LRP1: variants seen among roughly 807,000 people sequenced by gnomAD.
The protein encoded by LRP1 is LDL receptor related protein 1.
A neutral mutation model predicts 541.5 loss-of-function variants in LRP1; 51 were observed. That is an observed-to-expected ratio of 0.09 (90% CI 0.08 to 0.12). LRP1 has a LOEUF of 0.12. Ranked by LOEUF, LRP1 falls within the 10% of genes least tolerant of loss-of-function variation. LRP1 has a pLI of 1.00. For synonymous variants in LRP1, 2,219 were observed against 2,470.8 expected (o/e 0.90, Z 3.02); for missense variants, 3,878 against 6,376.2 (o/e 0.61, Z 13.34).
At position 57,128,612 on chromosome 12, in the gene LRP1, C is replaced by A; in HGVS notation, c.-353C>A. 2.4e-6 allele frequency: 1 copy of A among 415,416 alleles called. No homozygotes were observed. Among genetic ancestry groups the A allele is most frequent in the East Asian group, 3.5e-5 (1 of 28,850 alleles). The allele number at this position is 415,416 out of a possible 1,614,324, so 25.7% of individuals were successfully genotyped here. Reference sequence around the variant, plus strand: ...CTACCCGGTCCACGCCCCCCACCCCCCCTCCCCGCCTCCTCCCAATTGTGC... The same window carrying A: ...CTACCCGGTCCACGCCCCCCACCCCACCTCCCCGCCTCCTCCCAATTGTGC... On this transcript the variant is annotated 5_prime_UTR_variant, in exon 1 of 89. Transcript: ENST00000243077.
rs548737595 is a variant in LRP1, at chr12:57,173,713, C to A, written c.3347-67C>A. On this transcript the variant is annotated intron_variant, in intron 21 of 88. Coordinates refer to ENST00000243077, the MANE Select transcript of LRP1 (RefSeq NM_002332.3). This position sits in a 1 kb window ranked among gnomAD's most constrained non-coding sequence, Gnocchi z 4.7. Reference sequence around the variant, plus strand: ...ACCCTATTAGAGAAGCCCACAGGGTCTGGAAGGAAGGGCAGGGGGAGCCCC... The same window carrying A: ...ACCCTATTAGAGAAGCCCACAGGGTATGGAAGGAAGGGCAGGGGGAGCCCC... The A allele has an allele frequency of 1.3e-6, 2 of 1,543,792 alleles. No individual in the cohort carries two copies. The highest frequency in any genetic ancestry group is 1.1e-5 in the South Asian group (1 of 89,274).
Position 57,198,662 on chromosome 12 carries a change from G to A in LRP1, c.9668G>A (p.Arg3223His), listed in dbSNP as rs369789736. ...IEFASLDGSN[R>H]HVVLSQDIPH... is the part of the protein sequence containing the mutation. Reference sequence around the variant, plus strand: ...TTTGCCAGCCTGGATGGCTCCAATCGCCACGTTGGTCAGTGTGCCAGTGAG... The same window carrying A: ...TTTGCCAGCCTGGATGGCTCCAATCACCACGTTGGTCAGTGTGCCAGTGAG... The change falls in exon 60 of 89, where the codon CGC becomes CAC. Residue 3223 changes from arginine (R) to histidine (H), a missense_variant. Coordinates refer to ENST00000243077, the MANE Select transcript of LRP1 (RefSeq NM_002332.3). 4.4e-6 allele frequency: 7 copies of A among 1,608,162 alleles called. No individual in the cohort carries two copies. The highest frequency in any genetic ancestry group is 2.2e-5 in the East Asian group (1 of 44,546).
At chr12:57,193,068 C>T (rs2036450889) in intron 45 of LRP1, 98 bp downstream of exon 45, 1 of 1,587,104 alleles carries the variant, frequency 6.3e-7, no homozygotes, top group Non-Finnish European at 8.6e-7. Context: ...CCCCCAAAGC[C>T]TTTTGCCAAG....
Position 57,212,816 on chromosome 12 carries a change from T to G in LRP1, c.*261T>G. 5 of 426,268 alleles carry G rather than the reference T, an allele frequency of 1.2e-5. No individual in the cohort carries two copies. Among genetic ancestry groups the G allele is most frequent in the East Asian group, 9.1e-5 (2 of 22,090 alleles). 26.4% of individuals were successfully genotyped at this position (426,268 alleles called of 1,614,324 possible). A position where few individuals can be genotyped will look rare whatever the true frequency, so the allele number is the denominator to read the frequency against. On this transcript the variant is annotated 3_prime_UTR_variant, in exon 89 of 89. Coordinates refer to ENST00000243077, the MANE Select transcript of LRP1 (RefSeq NM_002332.3). The surrounding 1 kb of genome is among the most constrained non-coding windows in gnomAD (Gnocchi z 5.0). ...AGGGAGGGCTTGGGGCTGCACCTCC[T>G]ACCCTCCCACCAGAACGCACCCCAC...
chr12:57,200,105 G>A (rs1267321066), intron 62 of LRP1, 80 bp downstream of exon 62: 2 of 1,222,166 alleles, frequency 1.6e-6, no homozygotes, highest in African/African-American at 3.1e-5. Flanking sequence ...CACCTGCTCT[G>A]TCCTAATGTC....
chr12:57,183,435 G>A lies in LRP1; in HGVS notation c.5719G>A (p.Asp1907Asn). 6.2e-7 allele frequency: 1 copy of A among 1,614,064 alleles called. No individual in the cohort carries two copies. The highest frequency in any genetic ancestry group is 8.5e-7 in the Non-Finnish European group (1 of 1,179,890). The change falls in exon 35 of 89, where the codon GAT (aspartate) becomes AAT (asparagine). Residue 1907 changes from aspartate to asparagine, a missense_variant. Coordinates refer to ENST00000243077, the MANE Select transcript of LRP1 (RefSeq NM_002332.3). This position sits in a 1 kb window ranked among gnomAD's most constrained non-coding sequence, Gnocchi z 6.1. ...TGAGGGAATCAGGGGAATTCCCCTGGATCCCAATGACAAGTCAGATGCCCT... is the reference window on the plus strand; with the variant it reads ...TGAGGGAATCAGGGGAATTCCCCTGAATCCCAATGACAAGTCAGATGCCCT... ...VHEGIRGIPL[D>N]PNDKSDALVP...
In LRP1 at chr12:57,205,269, C is replaced by T. The variant is rs775896127; in HGVS notation, c.11335+20C>T. On this transcript the variant is annotated intron_variant, in intron 73 of 88. Transcript: ENST00000243077. The surrounding 1 kb of genome is among the most constrained non-coding windows in gnomAD (Gnocchi z 4.6). ...GCATCGGTGAGGCCCGGCAGCGGAC[C>T]GGACGCTGGTGGGGAGTGGGGAGAG... The T allele has an allele frequency of 2.3e-5, 37 of 1,604,212 alleles. No homozygotes were observed. In the East Asian group the frequency reaches 2.5e-4, roughly 11 times the overall value.
rs7953336 is a variant in LRP1 at position 57,178,121 on chromosome 12, G to A, written c.4362-238G>A. Among the ~76,000 whole-genome samples, 436 of 152,200 alleles carry A rather than the reference G, an allele frequency of 2.9e-3. 1 individual carries two copies. The highest frequency in any genetic ancestry group is 0.01 in the African/African-American group (417 of 41,504). ...ACAGCAGCCCTGGGGAGAAGTGACC[G>A]AAAGATTCCCTTGGGGCTTGGGAAT... On this transcript the variant is annotated intron_variant, in intron 26 of 88. Coordinates refer to ENST00000243077, the MANE Select transcript of LRP1 (RefSeq NM_002332.3). This position sits in a 1 kb window ranked among gnomAD's most constrained non-coding sequence, Gnocchi z 5.8.
intron 34 of LRP1, 70 bp downstream of exon 34, chr12:57,181,361 C>T (rs2036163730): frequency 6.5e-7 from 1 of 1,528,934 alleles, no homozygotes; most frequent in Admixed American, 1.9e-5. Context: ...CCTACAGCCC[C>T]ACCTTCCTCT....
intron 6 of LRP1, among the ~76,000 whole-genome samples, chr12:57,148,343 A>G (rs567079670): frequency 6.6e-6 from 1 of 152,304 alleles, no homozygotes; most frequent in African/African-American, 2.4e-5. Flanking sequence ...CATGGTAGAC[A>G]TTTTGAAAGT....
At position 57,173,928 on chromosome 12, in the gene LRP1, G is replaced by A; in HGVS notation, c.3495G>A (p.Leu1165=). The change falls in exon 22 of 89, where the codon CTG becomes CTA. Residue 1165 remains leucine (L), a synonymous_variant. Transcript: ENST00000243077. The surrounding 1 kb of genome is among the most constrained non-coding windows in gnomAD (Gnocchi z 4.7). ...CAGTCTGCCTGCCCCCTGACAAGCT[G>A]TGTGATGGCAACGACGACTGTGGCG... ...NTSVCLPPDK[L]CDGNDDCGDG... The A allele has an allele frequency of 6.2e-7, 1 of 1,614,248 alleles. No homozygotes were observed.
chr12:57,169,104 C>T, intron 19 of LRP1, 36 bp from the exon 20 acceptor site: 2 of 1,575,952 alleles, frequency 1.3e-6, no homozygotes, highest in African/African-American at 2.7e-5. Flanking sequence ...TCCACCAACT[C>T]CCGCTTTGCC....
chr12:57,201,274 A>T lies in LRP1; in HGVS notation c.10345+121A>T. ...CTTTAGTAGATGGGCAACACAAATT[A>T]TATTGGGTGTAACTTGCTTTGCTCA... On this transcript the variant is annotated intron_variant, in intron 65 of 88. Transcript: ENST00000243077. The surrounding 1 kb of genome is among the most constrained non-coding windows in gnomAD (Gnocchi z 6.4). 4 of 1,471,352 alleles carry T rather than the reference A, an allele frequency of 2.7e-6. No individual in the cohort carries two copies. The highest frequency in any genetic ancestry group is 3.7e-6 in the Non-Finnish European group (4 of 1,072,682). 91.1% of individuals were successfully genotyped at this position (1,471,352 alleles called of 1,614,324 possible).
chr12:57,200,482 A>C lies in LRP1; in HGVS notation c.10055A>C (p.Lys3352Thr). ...KNDKCIPFWW[K>T]CDTEDDCGDH... The stretch of plus-strand genomic sequence containing the variant: ...GACAAGTGCATCCCCTTCTGGTGGA[A>C]GTGTGACACCGAGGACGACTGCGGG... The change falls in exon 63 of 89, where the codon AAG (lysine) becomes ACG (threonine). Residue 3352 changes from lysine to threonine, a missense_variant. Physicochemically the swap from Lys to Thr is moderately conservative, Grantham distance 78. This residue lies in a region of LRP1 where 278 missense variants were observed against 536.3 expected (regional missense o/e 0.52). Transcript: ENST00000243077. 1 of 1,613,738 alleles carries C rather than the reference A, an allele frequency of 6.2e-7. No individual in the cohort carries two copies. Among genetic ancestry groups the C allele is most frequent in the Non-Finnish European group, 8.5e-7 (1 of 1,179,940 alleles).
intron 8 of LRP1, chr12:57,155,372 A>G (rs1262542064): frequency 6.3e-6 from 1 of 157,890 alleles, no homozygotes; most frequent in Non-Finnish European, 1.4e-5. Context: ...TTCAGTCTAA[A>G]ATCACTAAAG....
At chr12:57,169,104 C>G (rs1410946691) in intron 19 of LRP1, 36 bp from the exon 20 acceptor site, 1 of 1,575,832 alleles carries the variant, frequency 6.3e-7, no homozygotes, top group African/African-American at 1.3e-5. Flanking sequence ...TCCACCAACT[C>G]CCGCTTTGCC....
At chr12:57,187,183 C>G (rs1423145918) in intron 41 of LRP1, 84 bp from the exon 42 acceptor site, 40 of 1,416,450 alleles carry the variant, frequency 2.8e-5, no homozygotes, top group Non-Finnish European at 3.7e-5. Flanking sequence ...CAGGAGAGCA[C>G]CTGCCCCAGG....
rs375943747 is a variant in LRP1, at chr12:57,185,892, G to A, written c.6825G>A (p.Arg2275=). The A allele has an allele frequency of 9.4e-5, 151 of 1,613,206 alleles. No homozygotes were observed. The highest frequency in any genetic ancestry group is 1.2e-4 in the Non-Finnish European group (145 of 1,179,518). Residue 2275 remains arginine, a synonymous_variant, in exon 41 of 89, where the codon AGG becomes AGA. Coordinates refer to ENST00000243077, the MANE Select transcript of LRP1 (RefSeq NM_002332.3). This position sits in a 1 kb window ranked among gnomAD's most constrained non-coding sequence, Gnocchi z 4.9. The part of the protein sequence containing the change: ...IQQINDDGSR[R]ITIVENVGSV... ...AGATCAACGACGATGGCTCCAGGAG[G>A]ATCACCATTGTGGAAAGTGAGCCCA...
intron 2 of LRP1, 57 bp from the exon 3 acceptor site, chr12:57,141,317 T>A: frequency 1.9e-6 from 3 of 1,608,252 alleles, no homozygotes; most frequent in Non-Finnish European, 2.6e-6. Context: ...AGTGAACAGC[T>A]GACCAGAGAG....
Sources: allele counts gnomAD v4.1 joint callset (sites outside exome capture counted in the v4.1 genomes callset), GRCh38; gene constraint gnomAD v4.1.1; regional missense constraint gnomAD v4.1.1; non-coding constraint Gnocchi (gnomAD v3.1); transcripts MANE v1.5; gene names NCBI Gene and HGNC (gene_info 2026-07-23, HGNC 2026-07-21).